Variants in AFG2A observed in about 807,000 individuals in gnomAD.
AFG2A encodes AAA ATPase AFG2A.
chr4:123,029,462 T>A, the AFG2A span, among the ~76,000 whole-genome samples: 1 of 152,200 alleles, frequency 6.6e-6, no homozygotes, highest in Non-Finnish European at 1.5e-5. Context: ...TGGCTTTACT[T>A]AAGATTTTTA....
the AFG2A span, among the ~76,000 whole-genome samples, chr4:123,187,788 G>A: frequency 1.3e-5 from 2 of 151,948 alleles, no homozygotes; most frequent in African/African-American, 4.8e-5. Flanking sequence ...TTGAACCAAG[G>A]AGTTGAAGAC....
At chr4:123,057,889 A>G in the AFG2A span, among the ~76,000 whole-genome samples, 6 of 152,252 alleles carry the variant, frequency 3.9e-5, no homozygotes, top group African/African-American at 7.2e-5. Flanking sequence ...GTCCTTTAAT[A>G]TGTTCTACAA....
the AFG2A span, among the ~76,000 whole-genome samples, chr4:123,308,112 C>T: frequency 1.3e-5 from 2 of 152,114 alleles, no homozygotes; most frequent in Non-Finnish European, 2.9e-5. Context: ...AGCTCCTGTT[C>T]CTGTGGGATA....
chr4:123,243,905 C>T, the AFG2A span, among the ~76,000 whole-genome samples: 1 of 151,858 alleles, frequency 6.6e-6, no homozygotes, highest in African/African-American at 2.4e-5. Flanking sequence ...ACCTGTGGTC[C>T]CACCTATTCG....
the AFG2A span, among the ~76,000 whole-genome samples, chr4:122,972,572 A>G: frequency 1.3e-5 from 2 of 149,770 alleles, no homozygotes; most frequent in Non-Finnish European, 3.0e-5. Flanking sequence ...TAAGCCTACC[A>G]GTGTCCCCTT....
the AFG2A span, among the ~76,000 whole-genome samples, chr4:123,111,462 C>T: frequency 6.6e-6 from 1 of 152,088 alleles, no homozygotes; most frequent in Non-Finnish European, 1.5e-5. Context: ...ATATTAAAGT[C>T]TTATGGTAGC....
At chr4:123,073,323 C>G in the AFG2A span, among the ~76,000 whole-genome samples, 1 of 151,792 alleles carries the variant, frequency 6.6e-6, no homozygotes, top group Non-Finnish European at 1.5e-5. Flanking sequence ...CTTTTTGAAA[C>G]AGTAAAAATC....
the AFG2A span, among the ~76,000 whole-genome samples, chr4:123,024,305 A>C: frequency 7.6e-4 from 6 of 7,926 alleles, no homozygotes; most frequent in African/African-American, 9.0e-4. Flanking sequence ...CAGACCCCCC[A>C]AAAAAAAATC....
the AFG2A span, among the ~76,000 whole-genome samples, chr4:123,071,420 C>T: frequency 5.3e-5 from 8 of 150,904 alleles, no homozygotes; most frequent in South Asian, 6.3e-4. Context: ...GCGGAGGTTG[C>T]GATGAGCCGA....
chr4:123,197,320 C>G, the AFG2A span, among the ~76,000 whole-genome samples: 2 of 152,126 alleles, frequency 1.3e-5, no homozygotes, highest in African/African-American at 4.8e-5. Flanking sequence ...ATTTCCGTTA[C>G]TTCTTAAATC....
chr4:123,071,370 C>T, the AFG2A span, among the ~76,000 whole-genome samples: 1 of 152,006 alleles, frequency 6.6e-6, no homozygotes, highest in African/African-American at 2.4e-5. Flanking sequence ...ATCCCAGCTA[C>T]TCGGGAGGCT....
chr4:123,307,236 G>C, the AFG2A span, among the ~76,000 whole-genome samples: 2 of 152,038 alleles, frequency 1.3e-5, no homozygotes. Context: ...TGAACTCCTG[G>C]GTTCAGATGA....
At chr4:123,239,194 A>T in the AFG2A span, among the ~76,000 whole-genome samples, 10 of 152,216 alleles carry the variant, frequency 6.6e-5, no homozygotes, top group East Asian at 1.9e-4. Flanking sequence ...AAAAGACCAA[A>T]TCTACATTTG....
At chr4:122,934,697 T>C in the AFG2A span, 1 of 1,598,752 alleles carries the variant, frequency 6.3e-7, no homozygotes, top group Non-Finnish European at 8.5e-7. Context: ...AGAGAAATAA[T>C]TGAATTGCCC....
At chr4:123,096,079 T>C in the AFG2A span, among the ~76,000 whole-genome samples, 6 of 152,150 alleles carry the variant, frequency 3.9e-5, no homozygotes, top group Non-Finnish European at 7.4e-5. Flanking sequence ...ATTTTACTCC[T>C]TGCTATGTCA....
the AFG2A span, among the ~76,000 whole-genome samples, chr4:123,024,826 C>T: frequency 1.3e-5 from 2 of 152,098 alleles, no homozygotes; most frequent in Non-Finnish European, 2.9e-5. Flanking sequence ...TTGTCCAGGC[C>T]CTGGGCTGTC....
At chr4:123,246,715 A>G in the AFG2A span, among the ~76,000 whole-genome samples, 3 of 152,072 alleles carry the variant, frequency 2.0e-5, no homozygotes, top group African/African-American at 7.2e-5. Flanking sequence ...TCTTAAGCAT[A>G]CCCTCTAATC....
the AFG2A span, among the ~76,000 whole-genome samples, chr4:123,199,694 G>A: frequency 0.53 from 79,979 of 151,580 alleles, 24,313 homozygotes; most frequent in Non-Finnish European, 0.67. Flanking sequence ...CTGGTCTCCA[G>A]CTCCTGACCT....
At chr4:122,927,164 C>A in the AFG2A span, among the ~76,000 whole-genome samples, 138,020 of 152,208 alleles carry the variant, frequency 0.91, 62,804 homozygotes, top group East Asian at 0.96. Flanking sequence ...TTCTGTTACT[C>A]TCTTTACGTA....
Sources: gnomAD v4.1 joint callset for allele counts (sites outside exome capture counted in the v4.1 genomes callset) on GRCh38, gnomAD v4.1.1 for gene constraint, MANE v1.5 for transcripts, NCBI Gene and HGNC (gene_info 2026-07-23, HGNC 2026-07-21) for gene names.